The following CCDC148 variants were observed in gnomAD, a reference collection of about 807,000 sequenced individuals.
CCDC148 encodes coiled-coil domain containing 148.
A neutral mutation model predicts 85.7 loss-of-function variants in CCDC148; 89 were observed. The ratio of observed to expected loss-of-function variants is 1.04; its 90% CI spans 0.87 to 1.24. The LOEUF is 1.24. Ranked by LOEUF, CCDC148 falls within the 50% of genes most tolerant of loss-of-function variation. CCDC148 has a pLI of 0.00. For missense variants in CCDC148, 692 were observed against 671.7 expected (o/e 1.03, Z -0.33); for synonymous variants, 230 against 213.9 (o/e 1.08, Z -0.66).
chr2:158,280,309 C>G (rs1487867215), intron 9 of CCDC148, among the ~76,000 whole-genome samples: 1 of 152,128 alleles, frequency 6.6e-6, no homozygotes, highest in South Asian at 2.1e-4. Flanking sequence ...ACTAAATGCT[C>G]CAATTAAAAG....
At chr2:158,326,391 T>C (rs748059542) in intron 7 of CCDC148, among the ~76,000 whole-genome samples, 16 of 152,188 alleles carry the variant, frequency 1.1e-4, no homozygotes, top group Non-Finnish European at 1.6e-4. Context: ...ACTTATCACC[T>C]TCTAACACTA....
intron 9 of CCDC148, chr2:158,288,980 A>G: frequency 4.1e-6 from 1 of 244,010 alleles, no homozygotes; most frequent in Non-Finnish European, 8.1e-6. Flanking sequence ...AACCCCTGAT[A>G]AATCCATCAT....
At chr2:158,313,082 G>A (rs1692112582) in intron 8 of CCDC148, among the ~76,000 whole-genome samples, 1 of 152,210 alleles carries the variant, frequency 6.6e-6, no homozygotes. Context: ...GTTTGTTTAC[G>A]TGTATGTTAT....
At chr2:158,328,316 A>G (rs1021264754) in intron 7 of CCDC148, among the ~76,000 whole-genome samples, 4 of 152,066 alleles carry the variant, frequency 2.6e-5, no homozygotes, top group Admixed American at 6.6e-5. Flanking sequence ...TTCCAGCTTC[A>G]TACATGTCCC....
intron 12 of CCDC148, among the ~76,000 whole-genome samples, chr2:158,177,882 CCT>C (rs1224791674): frequency 6.6e-6 from 1 of 152,058 alleles, no homozygotes; most frequent in Non-Finnish European, 1.5e-5. Flanking sequence ...CTCGGTGTCT[CCT>C]CTGTTTCCTC....
chr2:158,188,000 C>T lies in CCDC148; in HGVS notation c.1371-9004G>A, dbSNP rs527352376. Among the ~76,000 whole-genome samples the T allele has an allele frequency of 8.5e-5, 13 of 152,058 alleles. No individual in the cohort carries two copies. The East Asian group carries it at 2.3e-3, about 27-fold the overall frequency. ...GGTATAAGTTTGACATCTTCTTGTG[C>T]AAAGTTAGGAACCAACCTGATGACA... is the stretch of plus-strand genomic sequence containing the variant. On this transcript the variant is annotated intron_variant, in intron 11 of 13. Transcript: ENST00000283233.
chr2:158,351,468 G>GGTGACGAAC (rs66489252), intron 2 of CCDC148, among the ~76,000 whole-genome samples: 1 of 1,928 alleles, frequency 5.2e-4, no homozygotes, highest in Admixed American at 5.1e-3. Flanking sequence ...CAAAGAAAGG[G>GGTGACGAAC]GCACCTGGAA....
chr2:158,350,056 A>G (rs1046759336), intron 2 of CCDC148, among the ~76,000 whole-genome samples: 1 of 152,146 alleles, frequency 6.6e-6, no homozygotes, highest in Non-Finnish European at 1.5e-5. Flanking sequence ...ATTACATTCC[A>G]CTATAAACAA....
At chr2:158,202,447 C>T (rs958536881) in intron 11 of CCDC148, among the ~76,000 whole-genome samples, 3 of 152,112 alleles carry the variant, frequency 2.0e-5, no homozygotes, top group Non-Finnish European at 2.9e-5. Flanking sequence ...TTTCTAAAGG[C>T]GAGATAGAAC....
At chr2:158,431,780 T>C (rs1033979577) in intron 1 of CCDC148, among the ~76,000 whole-genome samples, 2 of 151,890 alleles carry the variant, frequency 1.3e-5, no homozygotes, top group African/African-American at 4.8e-5. Context: ...CTACTAAAAA[T>C]ACAAAAAATT....
At chr2:158,233,963 G>A (rs994010920) in intron 10 of CCDC148, among the ~76,000 whole-genome samples, 5 of 152,054 alleles carry the variant, frequency 3.3e-5, no homozygotes, top group Non-Finnish European at 7.4e-5. Context: ...GGAGCACGAG[G>A]TCAAGAGACA....
intron 9 of CCDC148, among the ~76,000 whole-genome samples, chr2:158,258,685 T>C (rs1008266279): frequency 2.0e-5 from 3 of 151,816 alleles, no homozygotes; most frequent in African/African-American, 7.2e-5. Context: ...CACTGTCTCT[T>C]AAACCCATTC....
chr2:158,284,522 A>G (rs909796918), intron 9 of CCDC148, among the ~76,000 whole-genome samples: 4 of 152,186 alleles, frequency 2.6e-5, no homozygotes, highest in African/African-American at 9.6e-5. Context: ...GCATTCACCA[A>G]CTCAGGGAGG....
chr2:158,442,356 C>T (rs551066612), intron 1 of CCDC148, among the ~76,000 whole-genome samples: 6 of 152,108 alleles, frequency 3.9e-5, no homozygotes, highest in South Asian at 4.1e-4. Flanking sequence ...ATAGGCCTGT[C>T]GAAAGGACAA....
chr2:158,284,266 AAAGTAT>A (rs1053979170), intron 9 of CCDC148, among the ~76,000 whole-genome samples: 5 of 151,424 alleles, frequency 3.3e-5, no homozygotes, highest in African/African-American at 9.7e-5. Context: ...CCTAAAACTT[AAAGTAT>A]AATAATAAAA....
At chr2:158,368,998 T>C (rs1327116559) in intron 1 of CCDC148, among the ~76,000 whole-genome samples, 1 of 152,088 alleles carries the variant, frequency 6.6e-6, no homozygotes, top group Non-Finnish European at 1.5e-5. Context: ...AAGGTTGTAC[T>C]ACATATGGAT....
chr2:158,229,231 AC>A (rs1292590027), intron 10 of CCDC148, among the ~76,000 whole-genome samples: 1 of 152,156 alleles, frequency 6.6e-6, no homozygotes, highest in Non-Finnish European at 1.5e-5. Context: ...AGACTCTGTG[AC>A]CAGAACCTGC....
chr2:158,336,778 G>T (rs939875662), intron 7 of CCDC148, among the ~76,000 whole-genome samples: 2 of 152,062 alleles, frequency 1.3e-5, no homozygotes, highest in Non-Finnish European at 2.9e-5. Context: ...ATTTAAAGAT[G>T]TTAAGGATAC....
At chr2:158,424,236 T>C (rs1686957722) in intron 1 of CCDC148, among the ~76,000 whole-genome samples, 1 of 152,204 alleles carries the variant, frequency 6.6e-6, no homozygotes, top group Non-Finnish European at 1.5e-5. Context: ...CAAAGGATTA[T>C]AAATCATGCT....
Sources: gnomAD v4.1 joint callset for allele counts (sites outside exome capture counted in the v4.1 genomes callset) on GRCh38, gnomAD v4.1.1 for gene constraint, MANE v1.5 for transcripts, NCBI Gene and HGNC (gene_info 2026-07-23, HGNC 2026-07-21) for gene names.